Variants in FTCD observed in about 807,000 individuals in gnomAD.
FTCD encodes formimidoyltransferase cyclodeaminase, also known as formimidoyltransferase-cyclodeaminase.
FTCD carries 76 observed loss-of-function variants against 62.9 expected under a neutral mutation model. The observed-to-expected ratio is 1.21, with a 90% CI of 1.00 to 1.46. The LOEUF (loss-of-function observed/expected upper bound fraction) is 1.46, where lower values mean the gene tolerates loss of function less well. Ranked by LOEUF, FTCD falls within the 40% of genes most tolerant of loss-of-function variation. The pLI, the probability that FTCD is intolerant of heterozygous loss-of-function variation, is 0.00. For missense variants in FTCD, 845 were observed against 751.3 expected, an observed-to-expected ratio of 1.12 and a Z score of -1.46; for synonymous variants, 397 against 336.9, an observed-to-expected ratio of 1.18 and a Z score of -1.95.
At position 46,137,234 on chromosome 21, in the gene FTCD, C is replaced by T. The variant is rs753982828; in HGVS notation, c.1539+5G>A. The stretch of plus-strand genomic sequence containing the variant: ...GTCCGGGCACCACACCTGCCTCCTG[C>T]TCACCTGGTCCTTAAATGCCTCGTC... On this transcript the variant is annotated splice_donor_5th_base_variant and intron_variant, in intron 13 of 13. Coordinates refer to ENST00000397746, the MANE Select transcript of FTCD (RefSeq NM_206965.2). The T allele has an allele frequency of 5.6e-6, 9 of 1,608,812 alleles. 1 individual carries two copies. In the East Asian group the frequency reaches 2.0e-4, roughly 36 times the overall value.
downstream of FTCD, chr21:46,136,372 T>C (rs1385777787): frequency 1.3e-6 from 2 of 1,484,096 alleles, no homozygotes; most frequent in Non-Finnish European, 1.9e-6. Context: ...GGTTGAAGGG[T>C]GGACGGGAAC....
At chr21:46,145,341 C>T in intron 10 of FTCD, 76 bp downstream of exon 10, 1 of 1,254,576 alleles carries the variant, frequency 8.0e-7, no homozygotes, top group Non-Finnish European at 1.1e-6. Context: ...GGAGGCTGAC[C>T]CGCTTCTCAC....
chr21:46,145,203 G>A (rs2079111435), intron 10 of FTCD, among the ~76,000 whole-genome samples: 1 of 152,210 alleles, frequency 6.6e-6, no homozygotes, highest in African/African-American at 2.4e-5. Context: ...GGTCACCCTG[G>A]CCGAACCCTC....
At chr21:46,138,766 C>A in intron 11 of FTCD, 114 bp downstream of exon 11, 1 of 1,435,180 alleles carries the variant, frequency 7.0e-7, no homozygotes, top group East Asian at 2.3e-5. Context: ...CATTCCCAAA[C>A]ACCCAGCACG....
At chr21:46,153,120 T>A in intron 2 of FTCD, 85 bp from the exon 3 acceptor site, 1 of 1,402,972 alleles carries the variant, frequency 7.1e-7, no homozygotes, top group Non-Finnish European at 9.6e-7. Flanking sequence ...CTCTGTCCTC[T>A]CCGGCCTGGG....
intron 12 of FTCD, among the ~76,000 whole-genome samples, chr21:46,137,901 G>A (rs2078906351): frequency 6.6e-6 from 1 of 152,200 alleles, no homozygotes; most frequent in South Asian, 2.1e-4. Context: ...GCTTTCTCGT[G>A]TTTTGTTGTT....
At chr21:46,140,095 C>A (rs912865241) in intron 10 of FTCD, among the ~76,000 whole-genome samples, 1 of 152,192 alleles carries the variant, frequency 6.6e-6, no homozygotes, top group South Asian at 2.1e-4. Context: ...GTACAGATAT[C>A]TCCTTATGTT....
At chr21:46,138,387 G>T in intron 12 of FTCD, 121 bp downstream of exon 12, 2 of 942,838 alleles carry the variant, frequency 2.1e-6, no homozygotes, top group Non-Finnish European at 3.2e-6. Context: ...GGAACTGCCC[G>T]TGAAGTGAGG....
Position 46,138,452 on chromosome 21 carries a change from C to G in FTCD, c.1443+56G>C, listed in dbSNP as rs908418845. 2.6e-6 allele frequency: 4 copies of G among 1,526,972 alleles called. No individual in the cohort carries two copies. In the East Asian group the frequency reaches 9.5e-5, roughly 36 times the overall value. 94.6% of individuals were successfully genotyped at this position (1,526,972 alleles called of 1,614,324 possible). On this transcript the variant is annotated intron_variant, in intron 12 of 13. Transcript: ENST00000397746. ...ACCGTGCTCTCCAGCAACTCAGCCC[C>G]AACAGCTGCTTCCTGCTTTGCGGCA...
downstream of FTCD, chr21:46,136,289 G>A: frequency 6.3e-6 from 4 of 637,022 alleles, no homozygotes; most frequent in South Asian, 8.3e-5. Context: ...TTTTAATGGA[G>A]AACTTCTCTG....
chr21:46,144,711 T>TCTCCCTCTCTTCTCTCTCCCCTCC (rs2079102755), intron 10 of FTCD, among the ~76,000 whole-genome samples: 1 of 54,070 alleles, frequency 1.8e-5, no homozygotes, highest in Non-Finnish European at 3.3e-5. Flanking sequence ...CTCTCCCCAC[T>TCTCCCTCTCTTCTCTCTCCCCTCC]CTCCCTCTCT....
At chr21:46,150,092 C>T (rs762729365) in intron 7 of FTCD, 27 bp downstream of exon 7, 14 of 1,606,222 alleles carry the variant, frequency 8.7e-6, no homozygotes, top group Admixed American at 1.7e-5. Flanking sequence ...CGCCCCTGTC[C>T]GACCCTTCCT....
At chr21:46,154,474 TC>T in intron 1 of FTCD, 142 bp from the exon 2 acceptor site, 1 of 1,081,874 alleles carries the variant, frequency 9.2e-7, no homozygotes, top group Non-Finnish European at 1.4e-6. Flanking sequence ...CAAGCTGAGC[TC>T]CCACCGAAAG....
chr21:46,136,801 A>C lies in FTCD; in HGVS notation c.*186T>G, dbSNP rs768943051. On this transcript the variant is annotated 3_prime_UTR_variant, in exon 14 of 14. Coordinates refer to ENST00000397746, the MANE Select transcript of FTCD (RefSeq NM_206965.2). ...AGGTTTGGTGCCAAAACTTTACTGG[A>C]GGTCACATGGGACTAGGGGCCTTCT... 35 of 1,530,796 alleles carry C rather than the reference A, an allele frequency of 2.3e-5. 2 individuals carry two copies. In the South Asian group the frequency reaches 4.2e-4, roughly 18 times the overall value. 94.8% of individuals were successfully genotyped at this position (1,530,796 alleles called of 1,614,324 possible).
intron 9 of FTCD, 110 bp downstream of exon 9, chr21:46,145,705 GGGC>G: frequency 3.3e-6 from 1 of 307,282 alleles, no homozygotes; most frequent in Non-Finnish European, 4.3e-6. Context: ...TCTCCACCCA[GGGC>G]GGCCCCACCG....
At position 46,138,592 on chromosome 21, in the gene FTCD, C is replaced by T. The variant is rs369638970; in HGVS notation, c.1359G>A (p.Thr453=). ...ACAGCGAGGCCACCGTCTCCGCCAG[C>T]GTCAGCGGCACAGAGACTGCCCGCC... is the stretch of plus-strand genomic sequence containing the variant. ...GLRRAVSVPL[T]LAETVASLWP... Residue 453 remains threonine (T), a synonymous_variant, in exon 12 of 14, where the codon ACG becomes ACA. Coordinates refer to ENST00000397746, the MANE Select transcript of FTCD (RefSeq NM_206965.2). 21 of 1,590,174 alleles carry T rather than the reference C, an allele frequency of 1.3e-5. No individual in the cohort carries two copies. The highest frequency in any genetic ancestry group is 1.7e-5 in the Admixed American group (1 of 58,206).
At chr21:46,147,302 A>AG (rs2123540478) in intron 7 of FTCD, among the ~76,000 whole-genome samples, 1 of 150,436 alleles carries the variant, frequency 6.6e-6, no homozygotes, top group South Asian at 2.1e-4. Context: ...AAAAAAAAAA[A>AG]TCTCCTGGGA....
chr21:46,154,130 G>A lies in FTCD; in HGVS notation c.238+19C>T. ...ACATTCTGAGACACGGCAGCCACAG[G>A]AGAGCCCAGAGACCTCACCTTGGTG... On this transcript the variant is annotated intron_variant, in intron 2 of 13. Transcript: ENST00000397746. 6.2e-7 allele frequency: 1 copy of A among 1,611,724 alleles called. No individual in the cohort carries two copies. The highest frequency in any genetic ancestry group is 8.5e-7 in the Non-Finnish European group (1 of 1,178,996).
At position 46,153,007 on chromosome 21, in the gene FTCD, G is replaced by A. The variant is rs370444672; in HGVS notation, c.267C>T (p.Asp89=). 1,108 of 1,550,198 alleles carry A rather than the reference G, an allele frequency of 7.1e-4. 4 individuals carry two copies. The highest frequency in any genetic ancestry group is 3.6e-3 in the Middle Eastern group (21 of 5,864). ...QGEHPRMGAL[D]VCPFIPVRGV... ...CCCTCACGGGGATGAAGGGGCAGAC[G>A]TCTAGGGCCCCCATGCGGGGGTGCT... The change falls in exon 3 of 14, where the codon GAC becomes GAT. Residue 89 remains aspartate, a synonymous_variant. Coordinates refer to ENST00000397746, the MANE Select transcript of FTCD (RefSeq NM_206965.2).
Sources: allele counts gnomAD v4.1 joint callset (sites outside exome capture counted in the v4.1 genomes callset), GRCh38; gene constraint gnomAD v4.1.1; transcripts MANE v1.5; gene names NCBI Gene and HGNC (gene_info 2026-07-23, HGNC 2026-07-21).